The following RP1 variants were observed in gnomAD, a reference collection of about 807,000 sequenced individuals.
RP1 encodes oxygen-regulated protein 1.
RP1 carries 16 observed loss-of-function variants against 14.8 expected under a neutral mutation model. That is an observed-to-expected ratio of 1.08 (90% CI 0.73 to 1.65). RP1 has a LOEUF of 1.65. Among genes scored for constraint, RP1 ranks in the 40% most tolerant of loss-of-function variants. The probability of loss-of-function intolerance (pLI) is 0.00; values close to 1 mark genes in which losing one functional copy is unlikely to be tolerated. For missense variants in RP1, 2,631 were observed against 2,535.0 expected (o/e 1.04, Z -0.81); for synonymous variants, 876 against 883.6 (o/e 0.99, Z 0.15).
rs186231735 is a variant in RP1 at position 54,713,239 on chromosome 8, T to G, written c.2211+6584T>G. Among the ~76,000 whole-genome samples the G allele has an allele frequency of 3.6e-3, 542 of 152,306 alleles. 5 individuals carry two copies. Among genetic ancestry groups the G allele is most frequent in the African/African-American group, 0.013 (521 of 41,568 alleles). On this transcript the variant is annotated intron_variant, in intron 15 of 22. Transcript: ENST00000636932. ...TATTTCTGTTTCTGTTACCATGAAATTTTTATCTTGTATAAGTAAATCACC... is the reference window on the plus strand; with the variant it reads ...TATTTCTGTTTCTGTTACCATGAAAGTTTTATCTTGTATAAGTAAATCACC...
At chr8:54,861,596 T>TTTTTC (rs572902457) in intron 27 of RP1, among the ~76,000 whole-genome samples, 31 of 152,316 alleles carry the variant, frequency 2.0e-4, no homozygotes, top group African/African-American at 7.2e-4. Context: ...AAACATTCTT[T>TTTTTC]TTTTCTTTTC....
chr8:54,638,521 A>T (rs1231803206), intron 3 of RP1, among the ~76,000 whole-genome samples: 1 of 151,934 alleles, frequency 6.6e-6, no homozygotes, highest in Non-Finnish European at 1.5e-5. Context: ...TAACTCAAAC[A>T]TTTTAAAAGC....
intron 7 of RP1, among the ~76,000 whole-genome samples, chr8:54,670,270 A>G (rs1013309789): frequency 4.6e-5 from 7 of 151,574 alleles, no homozygotes; most frequent in South Asian, 2.1e-4. Flanking sequence ...GTTAGGACCA[A>G]TGGTTTACGG....
chr8:54,615,798 A>G (rs1487610525), upstream of RP1, among the ~76,000 whole-genome samples: 1 of 152,240 alleles, frequency 6.6e-6, no homozygotes, highest in Non-Finnish European at 1.5e-5. Context: ...TAGCCTGCAC[A>G]ATAACAACTT....
At chr8:54,859,313 G>C (rs542284104) in intron 27 of RP1, among the ~76,000 whole-genome samples, 1 of 149,046 alleles carries the variant, frequency 6.7e-6, no homozygotes, top group East Asian at 2.0e-4. Context: ...CTTTGGATCA[G>C]TGTCACTATA....
At chr8:54,699,265 C>T (rs1010489505) in intron 12 of RP1, among the ~76,000 whole-genome samples, 2 of 151,942 alleles carry the variant, frequency 1.3e-5, no homozygotes, top group African/African-American at 4.8e-5. Flanking sequence ...ATTTTATTCA[C>T]ATACATATAG....
intron 17 of RP1, among the ~76,000 whole-genome samples, chr8:54,728,693 A>G (rs1423518357): frequency 6.6e-6 from 1 of 152,170 alleles, no homozygotes. Context: ...TTAAGTAGAG[A>G]TATAGTGTCA....
chr8:54,674,942 TA>T (rs1163808138), intron 8 of RP1, among the ~76,000 whole-genome samples: 1 of 152,210 alleles, frequency 6.6e-6, no homozygotes, highest in Non-Finnish European at 1.5e-5. Flanking sequence ...CAAATAATGT[TA>T]CACTCCCACA....
intron 25 of RP1, among the ~76,000 whole-genome samples, chr8:54,846,246 A>T (rs1172986957): frequency 6.6e-6 from 1 of 152,268 alleles, no homozygotes; most frequent in East Asian, 1.9e-4. Context: ...TTTGAGAAAC[A>T]GACACGTGTC....
intron 15 of RP1, among the ~76,000 whole-genome samples, chr8:54,709,197 T>G (rs141610348): frequency 6.6e-6 from 1 of 152,296 alleles, no homozygotes; most frequent in African/African-American, 2.4e-5. Context: ...CAGAGGTGAT[T>G]CTAAACACAA....
intron 14 of RP1, among the ~76,000 whole-genome samples, chr8:54,706,247 A>G (rs1808147039): frequency 6.6e-6 from 1 of 152,308 alleles, no homozygotes; most frequent in South Asian, 2.1e-4. Context: ...TCAACAAATG[A>G]TAACTGAAGT....
intron 22 of RP1, among the ~76,000 whole-genome samples, chr8:54,762,466 G>A (rs1183732392): frequency 6.6e-6 from 1 of 152,042 alleles, no homozygotes; most frequent in Non-Finnish European, 1.5e-5. Context: ...TATGCCTGAA[G>A]GTATTATTTT....
At chr8:54,568,926 G>A (rs1203484702) in intron 1 of RP1, among the ~76,000 whole-genome samples, 2 of 152,156 alleles carry the variant, frequency 1.3e-5, no homozygotes, top group African/African-American at 4.8e-5. Flanking sequence ...ACATTGCTAA[G>A]CCTCAGTTTC....
rs140818680 is a variant in RP1 at position 54,686,533 on chromosome 8, A to G, written c.1717+6600A>G. On this transcript the variant is annotated intron_variant, in intron 12 of 22. Transcript: ENST00000636932. ...ACTTCTAGGCAATACTATGCCTAAA[A>G]GCAGACACACAGCATGAGAAGTTCT... Among the ~76,000 whole-genome samples the G allele has an allele frequency of 2.0e-3, 299 of 152,264 alleles. 2 individuals carry two copies. Among genetic ancestry groups the G allele is most frequent in the African/African-American group, 7.0e-3 (290 of 41,570 alleles).
chr8:54,625,040 A>T lies in RP1; in HGVS notation c.1158A>T (p.Ser386=), dbSNP rs765680798. 1 of 1,614,222 alleles carries T rather than the reference A, an allele frequency of 6.2e-7. No homozygotes were observed. Among genetic ancestry groups the T allele is most frequent in the Non-Finnish European group, 8.5e-7 (1 of 1,180,040 alleles). ...RSSGLKLAAC[S]FSADVSPMER... is the part of the protein sequence containing the mutation. ...CTGGTTTAAAGCTTGCAGCATGTTCATTCTCTGCAGATGTGTCACCTATGG... is the reference window on the plus strand; with the variant it reads ...CTGGTTTAAAGCTTGCAGCATGTTCTTTCTCTGCAGATGTGTCACCTATGG... The change falls in exon 4 of 4, where the codon TCA becomes TCT. Residue 386 remains serine (S), a synonymous_variant. Coordinates refer to ENST00000220676, the MANE Select transcript of RP1 (RefSeq NM_006269.2).
At chr8:54,680,936 C>T (rs866654367) in intron 12 of RP1, among the ~76,000 whole-genome samples, 41 of 148,076 alleles carry the variant, frequency 2.8e-4, no homozygotes, top group Middle Eastern at 7.1e-3. Flanking sequence ...CCAACCTGGG[C>T]GACAGAGCGA....
intron 25 of RP1, among the ~76,000 whole-genome samples, chr8:54,850,807 C>T (rs1342190063): frequency 6.6e-6 from 1 of 152,126 alleles, no homozygotes; most frequent in African/African-American, 2.4e-5. Context: ...ATAGCAAATG[C>T]TTAGTGAATC....
chr8:54,801,367 T>A (rs1374264316), intron 24 of RP1, among the ~76,000 whole-genome samples: 3 of 152,332 alleles, frequency 2.0e-5, no homozygotes, highest in Admixed American at 1.3e-4. Flanking sequence ...CCTTCACAAG[T>A]ATTCCCGCTT....
rs552484276 is a variant in RP1 at position 54,710,903 on chromosome 8, ACAAT to A, written c.2211+4251_2211+4254del. Among the ~76,000 whole-genome samples, 28 of 152,276 alleles carry A rather than the reference ACAAT, an allele frequency of 1.8e-4. No individual in the cohort carries two copies. In the South Asian group the frequency reaches 5.2e-3, roughly 28 times the overall value. On this transcript the variant is annotated intron_variant, in intron 15 of 22. Coordinates refer to the RP1 transcript ENST00000636932. ...GTAAAAAGACATTATTCAGAAAGAAACAATCAGGAGAGAGCCGACACACAAGGAT... is the reference window on the plus strand; with the variant it reads ...GTAAAAAGACATTATTCAGAAAGAAACAGGAGAGAGCCGACACACAAGGAT...
Sources: gnomAD v4.1 joint callset for allele counts (sites outside exome capture counted in the v4.1 genomes callset) on GRCh38, gnomAD v4.1.1 for gene constraint, MANE v1.5 for transcripts, NCBI Gene and HGNC (gene_info 2026-07-23, HGNC 2026-07-21) for gene names.